Variants in ARHGEF10L observed in about 807,000 individuals in gnomAD.
ARHGEF10L encodes Rho guanine nucleotide exchange factor 10 like, also known as rho guanine nucleotide exchange factor 10-like protein.
ARHGEF10L carries 69 observed loss-of-function variants against 141.2 expected under a neutral mutation model. That is an observed-to-expected ratio of 0.49 (90% CI 0.40 to 0.60). The LOEUF (loss-of-function observed/expected upper bound fraction) is 0.60, where lower values mean the gene tolerates loss of function less well. Ranked by LOEUF, ARHGEF10L falls within the 20% of genes least tolerant of loss-of-function variation. The probability of loss-of-function intolerance (pLI) is 0.00; values close to 1 mark genes in which losing one functional copy is unlikely to be tolerated. For synonymous variants in ARHGEF10L, 711 were observed against 718.5 expected, an observed-to-expected ratio of 0.99 and a Z score of 0.17; for missense variants, 1,482 against 1,734.3, an observed-to-expected ratio of 0.85 and a Z score of 2.58.
intron 4 of ARHGEF10L, among the ~76,000 whole-genome samples, chr1:17,588,849 AGTGTGTGTGTGTGTGTGTGT>A (rs57719075): frequency 1.7e-3 from 35 of 20,432 alleles, no homozygotes; most frequent in Admixed American, 8.2e-4. Context: ...GAGGGTCCCC[AGTGTGTGTGTGTGTGTGTGT>A]GTGTGTGTGT....
chr1:17,520,040 C>T, the ARHGEF10L span, among the ~76,000 whole-genome samples: 1 of 152,196 alleles, frequency 6.6e-6, no homozygotes, highest in African/African-American at 2.4e-5. Flanking sequence ...GTGTGCCTTC[C>T]CAGGCCAGCG....
intron 22 of ARHGEF10L, among the ~76,000 whole-genome samples, chr1:17,651,074 C>A (rs2061900938): frequency 6.6e-6 from 1 of 152,158 alleles, no homozygotes; most frequent in South Asian, 2.1e-4. Flanking sequence ...TGTATTTAAA[C>A]TTTTAAATAA....
chr1:17,584,109 A>G (rs1339228513), intron 2 of ARHGEF10L, among the ~76,000 whole-genome samples: 1 of 152,120 alleles, frequency 6.6e-6, no homozygotes, highest in African/African-American at 2.4e-5. Flanking sequence ...CAGTGGCACA[A>G]TCATGGCTCA....
chr1:17,519,227 C>T, the ARHGEF10L span, among the ~76,000 whole-genome samples: 3 of 151,270 alleles, frequency 2.0e-5, no homozygotes, highest in Non-Finnish European at 4.4e-5. Context: ...CCAATTCTCT[C>T]GGAGCCAGGA....
At chr1:17,566,405 T>C (rs1570505643) in intron 1 of ARHGEF10L, among the ~76,000 whole-genome samples, 1 of 152,358 alleles carries the variant, frequency 6.6e-6, no homozygotes, top group East Asian at 1.9e-4. Flanking sequence ...AAGCTGTAAC[T>C]ATAAATCAAG....
At chr1:17,559,501 C>A (rs1429302711) in intron 1 of ARHGEF10L, among the ~76,000 whole-genome samples, 1 of 152,178 alleles carries the variant, frequency 6.6e-6, no homozygotes, top group Non-Finnish European at 1.5e-5. Context: ...GACCGACACC[C>A]CCCAGGGCCG....
intron 8 of ARHGEF10L, among the ~76,000 whole-genome samples, chr1:17,613,562 T>C (rs1396409326): frequency 2.6e-5 from 4 of 152,212 alleles, no homozygotes; most frequent in African/African-American, 9.6e-5. Context: ...CTCAGGAATC[T>C]GCACATTTCA....
intron 9 of ARHGEF10L, 131 bp downstream of exon 9, chr1:17,616,333 G>A: frequency 1.3e-6 from 1 of 746,550 alleles, no homozygotes; most frequent in African/African-American, 1.8e-5. Context: ...CTCTGGTGGT[G>A]GGGGTTGGGG....
rs2065550228 is a variant in ARHGEF10L, at chr1:17,696,975, G to C, written c.3435G>C (p.Glu1145Asp). 11 of 1,612,282 alleles carry C rather than the reference G, an allele frequency of 6.8e-6. No homozygotes were observed. Among genetic ancestry groups the C allele is most frequent in the Non-Finnish European group, 9.3e-6 (11 of 1,179,710 alleles). The change falls in exon 29 of 29, where the codon GAG becomes GAC. Residue 1145 changes from glutamate (E) to aspartate (D), a missense_variant. Transcript: ENST00000361221. ...QEEAEGPRAE[E>D]DKPDGQAHEP... is the part of the protein sequence containing the mutation. ...AGGCTGAGGGGCCCCGGGCTGAGGA[G>C]GACAAGCCAGACGGGCAGGCACACG...
rs768149341 is a variant in ARHGEF10L, at chr1:17,607,845, G to T, written c.477G>T (p.Gly159=). 1 of 1,593,098 alleles carries T rather than the reference G, an allele frequency of 6.3e-7. No individual in the cohort carries two copies. Among genetic ancestry groups the T allele is most frequent in the Non-Finnish European group, 8.5e-7 (1 of 1,170,796 alleles). Reference sequence around the variant, plus strand: ...TCTACGAGGATGCGCACCGGGCTGGGGCCCCTCGGCAGGCGGAGGACCTAG... The same window carrying T: ...TCTACGAGGATGCGCACCGGGCTGGTGCCCCTCGGCAGGCGGAGGACCTAG... ...NLLYEDAHRA[G]APRQAEDLGW... The change falls in exon 7 of 29, where the codon GGG becomes GGT. Residue 159 remains glycine, a synonymous_variant. Transcript: ENST00000361221. This position sits in a 1 kb window ranked among gnomAD's most constrained non-coding sequence, Gnocchi z 4.5.
In ARHGEF10L at chr1:17,697,862, C is replaced by T. The variant is rs752985290; in HGVS notation, c.*482C>T. Reference sequence around the variant, plus strand: ...ATGCTGGAATAAAAGACAAGAGTTACATCTGGACTTGGATTGAGGTTTTGT... The same window carrying T: ...ATGCTGGAATAAAAGACAAGAGTTATATCTGGACTTGGATTGAGGTTTTGT... On this transcript the variant is annotated 3_prime_UTR_variant, in exon 29 of 29. Transcript: ENST00000361221. The surrounding 1 kb of genome is among the most constrained non-coding windows in gnomAD (Gnocchi z 4.8). 2.8e-4 allele frequency: 63 copies of T among 227,452 alleles called. No individual in the cohort carries two copies. Among genetic ancestry groups the T allele is most frequent in the Admixed American group, 1.2e-3 (26 of 21,540 alleles). The allele number at this position is 227,452 out of a possible 1,614,324, so 14.1% of individuals were successfully genotyped here.
the ARHGEF10L span, among the ~76,000 whole-genome samples, chr1:17,522,662 C>G: frequency 6.6e-6 from 1 of 152,216 alleles, no homozygotes; most frequent in Non-Finnish European, 1.5e-5. Context: ...TGGGGGCTAC[C>G]CCTCTCTTCT....
upstream of ARHGEF10L, among the ~76,000 whole-genome samples, chr1:17,538,877 G>A (rs535525601): frequency 1.3e-5 from 2 of 152,270 alleles, no homozygotes; most frequent in Non-Finnish European, 2.9e-5. Context: ...TAGCGGGGGA[G>A]TGTTTAACAA....
chr1:17,619,397 C>T lies in ARHGEF10L; in HGVS notation c.894C>T (p.Pro298=). The change falls in exon 10 of 29, where the codon CCC becomes CCT. Residue 298 remains proline (P), a synonymous_variant. Transcript: ENST00000361221. The surrounding 1 kb of genome is among the most constrained non-coding windows in gnomAD (Gnocchi z 5.0). ...LLEVSVSDIK[P]PAPELGPMPE... ...AGGTCAGCGTTTCGGACATCAAGCC[C>T]CCAGCCCCAGAGCTGGGCCCCATGC... 1 of 1,612,496 alleles carries T rather than the reference C, an allele frequency of 6.2e-7. No individual in the cohort carries two copies. The highest frequency in any genetic ancestry group is 8.5e-7 in the Non-Finnish European group (1 of 1,179,630).
chr1:17,581,552 T>C (rs1008378721), intron 2 of ARHGEF10L, among the ~76,000 whole-genome samples: 1 of 152,074 alleles, frequency 6.6e-6, no homozygotes, highest in African/African-American at 2.4e-5. Context: ...AGAGGCAGAA[T>C]TGCAGATGGT....
chr1:17,667,503 G>C (rs1473666095), intron 26 of ARHGEF10L, among the ~76,000 whole-genome samples: 1 of 152,236 alleles, frequency 6.6e-6, no homozygotes, highest in African/African-American at 2.4e-5. Flanking sequence ...GAGGGTGCAG[G>C]CCCTCAGCCC....
chr1:17,618,312 C>A (rs1278979154), intron 9 of ARHGEF10L: 3 of 1,487,242 alleles, frequency 2.0e-6, no homozygotes, highest in African/African-American at 1.4e-5. Flanking sequence ...CCTGCAGAGG[C>A]GATATTAATA....
In ARHGEF10L at chr1:17,603,415, C is replaced by A; in HGVS notation, c.350-93C>A. On this transcript the variant is annotated intron_variant, in intron 5 of 28. Transcript: ENST00000361221. The surrounding 1 kb of genome is among the most constrained non-coding windows in gnomAD (Gnocchi z 4.8). ...TATCAGAAAGGAGGGTGCTGCGTGC[C>A]ACCAGCTGGTGCAGTCCTGATGTCA... 1 of 957,360 alleles carries A rather than the reference C, an allele frequency of 1.0e-6. No homozygotes were observed. The highest frequency in any genetic ancestry group is 2.3e-5 in the Admixed American group (1 of 43,606). The allele number at this position is 957,360 out of a possible 1,614,324, so 59.3% of individuals were successfully genotyped here.
chr1:17,560,794 ATC>A (rs1480725234), intron 1 of ARHGEF10L, among the ~76,000 whole-genome samples: 1 of 152,164 alleles, frequency 6.6e-6, no homozygotes, highest in East Asian at 1.9e-4. Flanking sequence ...CGAACTCCTG[ATC>A]TCAGGTGATC....
Sources: allele counts gnomAD v4.1 joint callset (sites outside exome capture counted in the v4.1 genomes callset), GRCh38; gene constraint gnomAD v4.1.1; non-coding constraint Gnocchi (gnomAD v3.1); transcripts MANE v1.5; gene names NCBI Gene and HGNC (gene_info 2026-07-23, HGNC 2026-07-21).